Variants in FHL2 observed in about 807,000 individuals in gnomAD.
The protein encoded by FHL2 is four and a half LIM domains protein 2.
FHL2 carries 20 observed loss-of-function variants against 32.7 expected under a neutral mutation model. That is an observed-to-expected ratio of 0.61 (90% CI 0.43 to 0.89). The LOEUF (loss-of-function observed/expected upper bound fraction) is 0.89, where lower values mean the gene tolerates loss of function less well. FHL2 is among the 40% of genes least tolerant of loss of function. The probability of loss-of-function intolerance (pLI) is 0.00; values close to 1 mark genes in which losing one functional copy is unlikely to be tolerated. For missense variants in FHL2, 311 were observed against 358.6 expected, an observed-to-expected ratio of 0.87 and a Z score of 1.07; for synonymous variants, 123 against 128.1, an observed-to-expected ratio of 0.96 and a Z score of 0.27.
intron 2 of FHL2, among the ~76,000 whole-genome samples, chr2:105,387,721 G>A (rs1346327189): frequency 6.6e-6 from 1 of 152,118 alleles, no homozygotes; most frequent in African/African-American, 2.4e-5. Flanking sequence ...GCTAAAAACA[G>A]AACTACCATT....
At chr2:105,392,416 G>A (rs1460873693) in intron 2 of FHL2, among the ~76,000 whole-genome samples, 1 of 152,076 alleles carries the variant, frequency 6.6e-6, no homozygotes, top group East Asian at 1.9e-4. Context: ...AGGCTGCAGT[G>A]AGCCATGATA....
downstream of FHL2, chr2:105,358,748 C>T (rs938349150): frequency 5.3e-5 from 8 of 152,172 alleles, no homozygotes; most frequent in African/African-American, 1.4e-4. Context: ...GCCCTGCAAA[C>T]CACTATCTGT....
At chr2:105,401,883 G>A (rs1683475999), upstream of FHL2, among the ~76,000 whole-genome samples, 1 of 151,960 alleles carries the variant, frequency 6.6e-6, no homozygotes, top group South Asian at 2.1e-4. Context: ...GGGGAGATCT[G>A]AGTGGCTAGG....
intron 4 of FHL2, among the ~76,000 whole-genome samples, chr2:105,369,972 G>A (rs1680909210): frequency 1.3e-5 from 2 of 152,192 alleles, no homozygotes; most frequent in African/African-American, 4.8e-5. Flanking sequence ...CAGCAATACC[G>A]GCAGGTGGCA....
intron 6 of FHL2, among the ~76,000 whole-genome samples, chr2:105,361,938 G>A (rs1315025948): frequency 6.6e-6 from 1 of 152,090 alleles, no homozygotes; most frequent in African/African-American, 2.4e-5. Context: ...GCAGTGGGAA[G>A]ATCCTGAGAA....
chr2:105,427,524 G>T (rs1684302809), intron 1 of FHL2, among the ~76,000 whole-genome samples: 1 of 152,178 alleles, frequency 6.6e-6, no homozygotes, highest in Non-Finnish European at 1.5e-5. Flanking sequence ...GAGCTCCGGG[G>T]CTTGGGGGAT....
chr2:105,425,409 A>T (rs942613696), intron 1 of FHL2, among the ~76,000 whole-genome samples: 1 of 152,132 alleles, frequency 6.6e-6, no homozygotes, highest in Non-Finnish European at 1.5e-5. Context: ...GTTTCTCCCC[A>T]TGTGATAGTC....
intron 1 of FHL2, among the ~76,000 whole-genome samples, chr2:105,405,568 T>A (rs1683603474): frequency 6.6e-6 from 1 of 152,236 alleles, no homozygotes; most frequent in South Asian, 2.1e-4. Context: ...TGAGCCACCA[T>A]GGCTGGCAAG....
At chr2:105,385,578 G>A (rs1682245480) in intron 3 of FHL2, among the ~76,000 whole-genome samples, 1 of 152,206 alleles carries the variant, frequency 6.6e-6, no homozygotes, top group Non-Finnish European at 1.5e-5. Flanking sequence ...CCAGTTTCAC[G>A]GCACTCAGGA....
At chr2:105,371,001 C>T (rs984422535) in intron 4 of FHL2, among the ~76,000 whole-genome samples, 21 of 152,192 alleles carry the variant, frequency 1.4e-4, no homozygotes, top group Non-Finnish European at 2.9e-5. Context: ...TTCCCCCATT[C>T]CTTAGTAGAA....
chr2:105,419,493 C>G lies in FHL2; in HGVS notation c.-25+18906G>C, dbSNP rs146077369. Among the ~76,000 whole-genome samples, 151 of 152,292 alleles carry G rather than the reference C, an allele frequency of 9.9e-4. 5 individuals carry two copies. In the East Asian group the frequency reaches 0.026, roughly 26 times the overall value. The stretch of plus-strand genomic sequence containing the variant: ...ATTTCCCTTTGTGAAGGTGTTTCTC[C>G]TCCCATCTTCCATACCAAGAGGAGA... On this transcript the variant is annotated intron_variant, in intron 1 of 5. Coordinates refer to the FHL2 transcript ENST00000393352.
chr2:105,438,374 G>T, intron 1 of FHL2: 1 of 985,708 alleles, frequency 1.0e-6, no homozygotes, highest in East Asian at 1.1e-4. Context: ...TGAGAGAAGG[G>T]CACAGGGGAA....
chr2:105,397,882 TTTTTTG>T (rs964512620), intron 1 of FHL2, among the ~76,000 whole-genome samples: 1 of 26,518 alleles, frequency 3.8e-5, no homozygotes, highest in African/African-American at 9.7e-5. Flanking sequence ...TGTTTTTTTG[TTTTTTG>T]TTTTTTTTTG....
intron 2 of FHL2, 25 bp from the exon 3 acceptor site, chr2:105,386,565 A>T: frequency 6.2e-7 from 1 of 1,610,436 alleles, no homozygotes; most frequent in Non-Finnish European, 8.5e-7. Flanking sequence ...AGAAAATCCA[A>T]GTCCCATTAA....
intron 2 of FHL2, among the ~76,000 whole-genome samples, chr2:105,386,819 C>T (rs185002475): frequency 0.012 from 1,520 of 125,028 alleles, 35 homozygotes; most frequent in African/African-American, 0.046. Context: ...GGCTGGAGTG[C>T]AGTGGTGCGA....
At chr2:105,405,000 T>C (rs1378672296) in intron 1 of FHL2, among the ~76,000 whole-genome samples, 1 of 152,096 alleles carries the variant, frequency 6.6e-6, no homozygotes, top group Admixed American at 6.5e-5. Flanking sequence ...GATACCTCTT[T>C]AAGAAAGACT....
Position 105,429,512 on chromosome 2 carries a change from G to C in FHL2, c.-25+8887C>G, listed in dbSNP as rs368474779. 4.6e-5 allele frequency among the ~76,000 whole-genome samples: 7 copies of C among 152,172 alleles called. No individual in the cohort carries two copies. In the East Asian group the frequency reaches 1.2e-3, roughly 25 times the overall value. On this transcript the variant is annotated intron_variant, in intron 1 of 5. Coordinates refer to the FHL2 transcript ENST00000393352. ...GCTCTGGGCTTTGAAGATAGAAGAAGGGGCCATGAGCCAAGGAACGTAGGT... is the reference window on the plus strand; with the variant it reads ...GCTCTGGGCTTTGAAGATAGAAGAACGGGCCATGAGCCAAGGAACGTAGGT...
intron 4 of FHL2, among the ~76,000 whole-genome samples, chr2:105,371,576 C>CTCTCTCTCTCT (rs1553416147): frequency 5.3e-5 from 8 of 150,774 alleles, no homozygotes; most frequent in South Asian, 2.1e-4. Flanking sequence ...CTCTCTCTCT[C>CTCTCTCTCTCT]CTTATGTATG....
At chr2:105,388,563 C>T (rs1408136495) in intron 2 of FHL2, among the ~76,000 whole-genome samples, 1 of 151,898 alleles carries the variant, frequency 6.6e-6, no homozygotes, top group African/African-American at 2.4e-5. Context: ...TCACTCACGC[C>T]TGTAATCCCA....
Sources: gnomAD v4.1 joint callset for allele counts (sites outside exome capture counted in the v4.1 genomes callset) on GRCh38, gnomAD v4.1.1 for gene constraint, MANE v1.5 for transcripts, NCBI Gene and HGNC (gene_info 2026-07-23, HGNC 2026-07-21) for gene names.